GEMIN4: variants seen among roughly 807,000 people sequenced by gnomAD.
GEMIN4 encodes gem-associated protein 4.
Under a neutral mutation model 76.8 loss-of-function variants are expected in GEMIN4, and 59 were observed. The ratio of observed to expected loss-of-function variants is 0.77; its 90% confidence interval spans 0.62 to 0.95. GEMIN4 has a LOEUF of 0.95. GEMIN4 is among the 40% of genes least tolerant of loss of function. The pLI is 0.00. For missense variants in GEMIN4, 1,311 were observed against 1,318.9 expected (o/e 0.99, Z 0.09); for synonymous variants, 562 against 559.7 (o/e 1.00, Z -0.06).
At position 746,480 on chromosome 17, in the gene GEMIN4, AC is replaced by A; in HGVS notation, c.1562del (p.Gly521ValfsTer34). 1 of 1,612,922 alleles carries A rather than the reference AC, an allele frequency of 6.2e-7. No individual in the cohort carries two copies. Among genetic ancestry groups the A allele is most frequent in the Non-Finnish European group, 8.5e-7 (1 of 1,179,650 alleles). ...LSEKLLAYVE[G>X]FQEDLNTTFN... ...AAGTTGTATTGAGGTCTTCCTGAAA[AC>A]CCTCCACATAAGCCAGCAACTTTTC... On this transcript the variant is annotated frameshift_variant, in exon 2 of 2. Coordinates refer to ENST00000319004, the MANE Select transcript of GEMIN4 (RefSeq NM_015721.3). LOFTEE classifies it high-confidence loss of function. The surrounding 1 kb of genome is among the most constrained non-coding windows in gnomAD (Gnocchi z 4.3).
rs1177962924 is a variant in GEMIN4 at position 746,606 on chromosome 17, C to T, written c.1437G>A (p.Val479=). 1.9e-6 allele frequency: 3 copies of T among 1,613,518 alleles called. No homozygotes were observed. Among genetic ancestry groups the T allele is most frequent in the Non-Finnish European group, 2.5e-6 (3 of 1,179,894 alleles). Reference sequence around the variant, plus strand: ...CGTAACATTCCAGGATCAGGTGGATCACCTGCCGGATCTGAGACTCAGGGA... The same window carrying T: ...CGTAACATTCCAGGATCAGGTGGATTACCTGCCGGATCTGAGACTCAGGGA... The part of the protein sequence containing the change: ...RAIPESQIRQ[V]IHLILECYAD... Residue 479 remains valine (V), a synonymous_variant, in exon 2 of 2, where the codon GTG becomes GTA. Transcript: ENST00000319004. The surrounding 1 kb of genome is among the most constrained non-coding windows in gnomAD (Gnocchi z 4.3).
intron 1 of GEMIN4, chr17:748,746 C>T: frequency 4.8e-6 from 1 of 206,212 alleles, no homozygotes; most frequent in Non-Finnish European, 9.6e-6. Context: ...AGCAATCACA[C>T]AGCCACAGGG....
Position 745,580 on chromosome 17 carries a change from G to A in GEMIN4, c.2463C>T (p.Cys821=). The change falls in exon 2 of 2, where the codon TGC becomes TGT. Residue 821 remains cysteine (C), a synonymous_variant. Transcript: ENST00000319004. The surrounding 1 kb of genome is among the most constrained non-coding windows in gnomAD (Gnocchi z 4.6). ...CCGAGATGCCGCTGGAGACGCAGCA[G>A]CACTCCATCCAGGCCAGGAGCCCCG... The part of the protein sequence containing the change: ...AGTGLLAWME[C]CCVSSGISER... The A allele has an allele frequency of 1.2e-6, 2 of 1,611,770 alleles. No homozygotes were observed. Among genetic ancestry groups the A allele is most frequent in the Non-Finnish European group, 8.5e-7 (1 of 1,179,406 alleles).
rs368058625 is a variant in GEMIN4 at position 746,212 on chromosome 17, C to G, written c.1831G>C (p.Val611Leu). Residue 611 changes from valine to leucine, a missense_variant, in exon 2 of 2, where the codon GTC becomes CTC. Around this residue, in one of 2 missense-constraint regions of GEMIN4, gnomAD observed 1,208 missense variants for 1,166.9 expected, o/e 1.04. Transcript: ENST00000319004. The surrounding 1 kb of genome is among the most constrained non-coding windows in gnomAD (Gnocchi z 4.3). ...TFMVSCLKETVWMKFSTPKEE... is the reference protein window; with the variant it reads ...TFMVSCLKETLWMKFSTPKEE... ...TTGGGTGTAGAGAACTTCATCCAGA[C>G]GGTTTCTTTGAGGCATGACACCATG... is the stretch of plus-strand genomic sequence containing the variant. 2 of 1,613,656 alleles carry G rather than the reference C, an allele frequency of 1.2e-6. No individual in the cohort carries two copies. Among genetic ancestry groups the G allele is most frequent in the African/African-American group, 2.7e-5 (2 of 74,892 alleles).
rs1046242682 is a variant in GEMIN4, at chr17:746,191, G to A, written c.1852C>T (p.Pro618Ser). ...KETVWMKFST[P>S]KEEKQFLELL... ...TCTAAAAATTGCTTTTCTTCCTTGGGTGTAGAGAACTTCATCCAGACGGTT... is the reference window on the plus strand; with the variant it reads ...TCTAAAAATTGCTTTTCTTCCTTGGATGTAGAGAACTTCATCCAGACGGTT... Residue 618 changes from proline to serine, a missense_variant, in exon 2 of 2, where the codon CCC becomes TCC. Transcript: ENST00000319004. This position sits in a 1 kb window ranked among gnomAD's most constrained non-coding sequence, Gnocchi z 4.3. 5 of 1,613,842 alleles carry A rather than the reference G, an allele frequency of 3.1e-6. No homozygotes were observed. The African/African-American group carries it at 5.3e-5, about 17-fold the overall frequency.
intron 1 of GEMIN4, chr17:750,010 T>C: frequency 1.0e-6 from 1 of 979,608 alleles, no homozygotes. Context: ...GGAAAACATC[T>C]TGGGATGTTT....
chr17:752,110 G>C (rs1236092530), intron 1 of GEMIN4, 23 bp downstream of exon 1: 1 of 1,232,916 alleles, frequency 8.1e-7, no homozygotes, highest in East Asian at 3.1e-5. Flanking sequence ...CGCAGCCCGG[G>C]GCCGGGGAGC....
In GEMIN4 at chr17:746,654, G is replaced by A. The variant is rs751606537; in HGVS notation, c.1389C>T (p.Asp463=). 1.7e-5 allele frequency: 28 copies of A among 1,613,418 alleles called. No homozygotes were observed. In the Admixed American group the frequency reaches 2.2e-4, roughly 12 times the overall value. The part of the protein sequence containing the change: ...LVLRLLETVI[D]VSTADRAIPE... ...GGATGGCTCTGTCAGCTGTGCTGAC[G>A]TCTATCACTGTTTCCAGCAGCCTCA... Residue 463 remains aspartate (D), a synonymous_variant, in exon 2 of 2, where the codon GAC becomes GAT. Coordinates refer to ENST00000319004, the MANE Select transcript of GEMIN4 (RefSeq NM_015721.3). This position sits in a 1 kb window ranked among gnomAD's most constrained non-coding sequence, Gnocchi z 4.3.
At chr17:753,096 G>A (rs1300670847), upstream of GEMIN4, 1 of 156,562 alleles carries the variant, frequency 6.4e-6, no homozygotes, top group East Asian at 2.0e-4. Flanking sequence ...GCCATGAGGG[G>A]CTACGCGGCC....
At chr17:749,818 G>C (rs1904562828) in intron 1 of GEMIN4, 1 of 996,558 alleles carries the variant, frequency 1.0e-6, no homozygotes, top group Non-Finnish European at 1.2e-6. Context: ...ACTTGCCTTG[G>C]GAACAGGCTT....
intron 1 of GEMIN4, chr17:751,744 A>G (rs1904705460): frequency 4.3e-6 from 1 of 234,254 alleles, no homozygotes; most frequent in Non-Finnish European, 8.2e-6. Context: ...CATGAGCGTA[A>G]GACACTTGGA....
intron 1 of GEMIN4, among the ~76,000 whole-genome samples, chr17:750,826 C>T (rs1011965909): frequency 6.6e-6 from 1 of 152,228 alleles, no homozygotes; most frequent in Non-Finnish European, 1.5e-5. Flanking sequence ...GGCAATCCAT[C>T]TCATCTCACA....
Position 745,535 on chromosome 17 carries a change from CAA to C in GEMIN4, c.2506_2507del (p.Leu836GlyfsTer8), listed in dbSNP as rs758328196. 1.2e-6 allele frequency: 2 copies of C among 1,612,566 alleles called. No homozygotes were observed. The highest frequency in any genetic ancestry group is 4.5e-5 in the East Asian group (2 of 44,858). ...CCTCAGGATTGCCCACGTCCACCAC[CAA>C]GAGAGACAGCATCCTCTCCGAGATG... Reference protein sequence around the residue: ...SGISERMLSLLVVDVGNPEEV... With the variant: ...SGISERMLSLXVVDVGNPEEV... On this transcript the variant is annotated frameshift_variant, in exon 2 of 2. Transcript: ENST00000319004. LOFTEE classifies it high-confidence loss of function. The surrounding 1 kb of genome is among the most constrained non-coding windows in gnomAD (Gnocchi z 4.6).
intron 1 of GEMIN4, among the ~76,000 whole-genome samples, chr17:751,204 T>G (rs1904665152): frequency 1.3e-5 from 2 of 152,210 alleles, no homozygotes; most frequent in Admixed American, 1.3e-4. Flanking sequence ...GTAAGATCTC[T>G]TCTATTCACA....
Position 745,175 on chromosome 17 carries a change from C to T in GEMIN4, c.2868G>A (p.Ala956=), listed in dbSNP as rs376639595. ...GAACCCAAGGGCCAGCTGCCTGTAT[C>T]GCCCTGACTGAGTCCAGGAGGCGGG... The part of the protein sequence containing the change: ...SLTRLLDSVR[A]IQAAGPWVQG... Residue 956 remains alanine, a synonymous_variant, in exon 2 of 2, where the codon GCG becomes GCA. Coordinates refer to ENST00000319004, the MANE Select transcript of GEMIN4 (RefSeq NM_015721.3). This position sits in a 1 kb window ranked among gnomAD's most constrained non-coding sequence, Gnocchi z 4.6. The T allele has an allele frequency of 1.9e-5, 31 of 1,605,766 alleles. No individual in the cohort carries two copies. The African/African-American group carries it at 2.7e-4, about 14-fold the overall frequency.
Position 747,106 on chromosome 17 carries a change from T to C in GEMIN4, c.937A>G (p.Ile313Val), listed in dbSNP as rs1242428001. 1.2e-6 allele frequency: 2 copies of C among 1,613,590 alleles called. No homozygotes were observed. The highest frequency in any genetic ancestry group is 1.1e-5 in the South Asian group (1 of 91,072). ...TGCAGGAACTCGCAGCCCACGAAAA[T>C]GGTCTCACTGGGGAGTTTGGCCAGC... ...TSLAKLPSET[I>V]FVGCEFLHHL... The change falls in exon 2 of 2, where the codon ATT (isoleucine) becomes GTT (valine). Residue 313 changes from isoleucine to valine, a missense_variant. Around this residue, in one of 2 missense-constraint regions of GEMIN4, gnomAD observed 1,208 missense variants for 1,166.9 expected, o/e 1.04. Coordinates refer to ENST00000319004, the MANE Select transcript of GEMIN4 (RefSeq NM_015721.3).
chr17:750,062 T>C, intron 1 of GEMIN4: 1 of 899,208 alleles, frequency 1.1e-6, no homozygotes, highest in African/African-American at 1.8e-5. Context: ...CATTTAAAAA[T>C]GATGTGATTC....
upstream of GEMIN4, chr17:752,351 TC>T (rs1485983099): frequency 1.7e-6 from 2 of 1,147,314 alleles, no homozygotes; most frequent in Non-Finnish European, 2.2e-6. Context: ...AGCGCCGCCT[TC>T]CGGCAGAGCC....
Position 747,556 on chromosome 17 carries a change from C to T in GEMIN4, c.487G>A (p.Val163Ile), listed in dbSNP as rs201806225. Residue 163 changes from valine (V) to isoleucine (I), a missense_variant, in exon 2 of 2, where the codon GTC becomes ATC. Coordinates refer to ENST00000319004, the MANE Select transcript of GEMIN4 (RefSeq NM_015721.3). ...SAEDVAFFLDVWWEVMKHKGH... is the reference protein window; with the variant it reads ...SAEDVAFFLDIWWEVMKHKGH... The stretch of plus-strand genomic sequence containing the variant: ...TTGTGCTTCATCACCTCCCACCAGA[C>T]GTCCAGGAAGAAGGCCACGTCTTCG... 4.8e-4 allele frequency: 782 copies of T among 1,613,874 alleles called. No homozygotes were observed. Among genetic ancestry groups the T allele is most frequent in the Non-Finnish European group, 6.1e-4 (717 of 1,179,872 alleles).
Sources: allele counts gnomAD v4.1 joint callset (sites outside exome capture counted in the v4.1 genomes callset), GRCh38; gene constraint gnomAD v4.1.1; regional missense constraint gnomAD v4.1.1; non-coding constraint Gnocchi (gnomAD v3.1); transcripts MANE v1.5; gene names NCBI Gene and HGNC (gene_info 2026-07-23, HGNC 2026-07-21).